The following TIAM1 variants were observed in gnomAD, a reference collection of about 807,000 sequenced individuals.
TIAM1 encodes rho guanine nucleotide exchange factor TIAM1.
Under a neutral mutation model 163.5 loss-of-function variants are expected in TIAM1, and 65 were observed. That is an observed-to-expected ratio of 0.40 (90% CI 0.33 to 0.49). The LOEUF is 0.49. Ranked by LOEUF, TIAM1 falls within the 20% of genes least tolerant of loss-of-function variation. The pLI, the probability that TIAM1 is intolerant of heterozygous loss-of-function variation, is 0.77. For missense variants in TIAM1, 1,789 were observed against 2,044.7 expected (o/e 0.87, Z 2.41); for synonymous variants, 833 against 810.1 (o/e 1.03, Z -0.48).
At chr21:31,160,593 G>A (rs2083865729) in intron 16 of TIAM1, 1 of 398,364 alleles carries the variant, frequency 2.5e-6, no homozygotes, top group Non-Finnish European at 4.4e-6. Flanking sequence ...CACGGAGACA[G>A]AAGTTTCTTA....
At chr21:31,210,656 A>AAG (rs1491086481) in intron 10 of TIAM1, among the ~76,000 whole-genome samples, 2 of 19,528 alleles carry the variant, frequency 1.0e-4, no homozygotes, top group Admixed American at 4.3e-4. Flanking sequence ...AAAGAAAGAA[A>AAG]GAAAGAAAGA....
At chr21:31,513,241 C>A (rs1466161519) in intron 1 of TIAM1, among the ~76,000 whole-genome samples, 1 of 152,260 alleles carries the variant, frequency 6.6e-6, no homozygotes, top group Non-Finnish European at 1.5e-5. Context: ...CTCATTTAAT[C>A]CTCACAATGA....
At chr21:31,209,037 C>T (rs932530220) in intron 11 of TIAM1, among the ~76,000 whole-genome samples, 1 of 152,042 alleles carries the variant, frequency 6.6e-6, no homozygotes, top group African/African-American at 2.4e-5. Flanking sequence ...ACTGATTGTC[C>T]TTCCTGAAGA....
At chr21:31,343,883 G>A (rs1168845634) in intron 1 of TIAM1, among the ~76,000 whole-genome samples, 1 of 152,148 alleles carries the variant, frequency 6.6e-6, no homozygotes, top group Non-Finnish European at 1.5e-5. Context: ...CTTTACCCTG[G>A]AGCCAGAACC....
intron 15 of TIAM1, among the ~76,000 whole-genome samples, chr21:31,180,191 C>G (rs189503200): frequency 3.3e-5 from 5 of 152,110 alleles, no homozygotes; most frequent in Admixed American, 6.6e-5. Flanking sequence ...CAGGTGTGAG[C>G]CACTGCGCCC....
intron 2 of TIAM1, among the ~76,000 whole-genome samples, chr21:31,408,951 C>T (rs753839953): frequency 6.6e-6 from 1 of 151,984 alleles, no homozygotes; most frequent in Non-Finnish European, 1.5e-5. Context: ...TGAGTGCCAC[C>T]GCTCTCAGCC....
At chr21:31,520,057 C>A (rs1029122879) in intron 1 of TIAM1, among the ~76,000 whole-genome samples, 2 of 152,242 alleles carry the variant, frequency 1.3e-5, no homozygotes, top group Middle Eastern at 3.4e-3. Flanking sequence ...ATGGGCCGGG[C>A]GCGGTGGCCA....
intron 2 of TIAM1, among the ~76,000 whole-genome samples, chr21:31,324,284 C>T (rs376660087): frequency 8.6e-5 from 13 of 151,712 alleles, no homozygotes; most frequent in East Asian, 7.8e-4. Context: ...ACCTGGGAGG[C>T]GGAGGTTGCA....
intron 1 of TIAM1, among the ~76,000 whole-genome samples, chr21:31,482,748 C>T (rs146769365): frequency 1.3e-5 from 2 of 152,196 alleles, no homozygotes; most frequent in African/African-American, 2.4e-5. Flanking sequence ...TGAAGCTTGC[C>T]GGTCCTCAGC....
At chr21:31,287,112 C>T (rs1192391595) in intron 2 of TIAM1, among the ~76,000 whole-genome samples, 1 of 152,186 alleles carries the variant, frequency 6.6e-6, no homozygotes, top group African/African-American at 2.4e-5. Context: ...ATATATCTTA[C>T]AATCACAATG....
intron 2 of TIAM1, among the ~76,000 whole-genome samples, chr21:31,381,020 CA>C (rs1447878188): frequency 6.6e-6 from 1 of 152,176 alleles, no homozygotes; most frequent in Non-Finnish European, 1.5e-5. Flanking sequence ...AGCACTCAAA[CA>C]GTAACTTTAT....
chr21:31,201,019 C>T (rs1343761950), intron 12 of TIAM1, among the ~76,000 whole-genome samples: 3 of 152,060 alleles, frequency 2.0e-5, no homozygotes, highest in Non-Finnish European at 4.4e-5. Context: ...ACACAATGGG[C>T]AAGGCTTAAA....
chr21:31,243,339 T>C (rs961445597), intron 6 of TIAM1, among the ~76,000 whole-genome samples: 1 of 149,844 alleles, frequency 6.7e-6, no homozygotes, highest in African/African-American at 2.4e-5. Context: ...AGTGAACTTA[T>C]GACAGATCAA....
intron 2 of TIAM1, among the ~76,000 whole-genome samples, chr21:31,352,618 G>A (rs761106692): frequency 6.7e-6 from 1 of 149,806 alleles, no homozygotes; most frequent in Non-Finnish European, 1.5e-5. Flanking sequence ...TTGGGAAGCC[G>A]AGGTGGGCGG....
At chr21:31,394,599 G>A (rs2077020841) in intron 2 of TIAM1, among the ~76,000 whole-genome samples, 1 of 152,052 alleles carries the variant, frequency 6.6e-6, no homozygotes, top group Admixed American at 6.6e-5. Context: ...GGCCAGGAGT[G>A]AGAGAGGAAG....
intron 2 of TIAM1, among the ~76,000 whole-genome samples, chr21:31,371,260 C>G (rs2076591953): frequency 6.6e-6 from 1 of 152,214 alleles, no homozygotes; most frequent in Non-Finnish European, 1.5e-5. Flanking sequence ...GTTCTGCCGA[C>G]TCTCCTTATC....
At chr21:31,513,680 T>C (rs1281995684) in intron 1 of TIAM1, among the ~76,000 whole-genome samples, 1 of 152,164 alleles carries the variant, frequency 6.6e-6, no homozygotes, top group East Asian at 1.9e-4. Context: ...CTTCAGTTGT[T>C]TTCTTTAGGG....
chr21:31,129,298 G>A (rs1179590154), intron 25 of TIAM1, among the ~76,000 whole-genome samples: 9 of 152,196 alleles, frequency 5.9e-5, no homozygotes, highest in Non-Finnish European at 2.9e-5. Flanking sequence ...CTACTCATGT[G>A]TTTCAAGCAT....
intron 1 of TIAM1, among the ~76,000 whole-genome samples, chr21:31,502,947 C>T (rs2046894398): frequency 6.6e-6 from 1 of 152,060 alleles, no homozygotes; most frequent in Non-Finnish European, 1.5e-5. Context: ...TTGGCAGGGG[C>T]CAAATCAAAA....
Sources: allele counts gnomAD v4.1 joint callset (sites outside exome capture counted in the v4.1 genomes callset), GRCh38; gene constraint gnomAD v4.1.1; transcripts MANE v1.5; gene names NCBI Gene and HGNC (gene_info 2026-07-23, HGNC 2026-07-21).